TRIM2: variants seen among roughly 807,000 people sequenced by gnomAD.
The protein encoded by TRIM2 is tripartite motif containing 2, also known as tripartite motif-containing protein 2.
In TRIM2, 20 loss-of-function variants were observed where a neutral mutation model predicts 75.2. The observed-to-expected ratio is 0.27, with a 90% CI of 0.19 to 0.39. The LOEUF (loss-of-function observed/expected upper bound fraction) is 0.39. Ranked by LOEUF, TRIM2 falls within the 10% of genes least tolerant of loss-of-function variation. TRIM2 has a pLI of 1.00. For synonymous variants in TRIM2, 373 were observed against 388.3 expected (o/e 0.96, Z 0.46); for missense variants, 660 against 990.8 (o/e 0.67, Z 4.48).
intron 6 of TRIM2, among the ~76,000 whole-genome samples, chr4:153,314,407 G>A (rs915033363): frequency 8.2e-6 from 1 of 121,848 alleles, no homozygotes; most frequent in Non-Finnish European, 1.6e-5. Flanking sequence ...GCGACAGAGC[G>A]AGACTCCGTC....
rs746781998 is a variant in TRIM2 at position 153,324,166 on chromosome 4, G to A, written c.2022+18G>A. On this transcript the variant is annotated intron_variant, in intron 10 of 11. Transcript: ENST00000338700. The stretch of plus-strand genomic sequence containing the variant: ...CTGTCAAGGTACTACAAGCACATGA[G>A]TTGTTGTTAACTTTTAACTGCTTTT... 21 of 1,601,816 alleles carry A rather than the reference G, an allele frequency of 1.3e-5. No individual in the cohort carries two copies. The African/African-American group carries it at 2.4e-4, about 18-fold the overall frequency.
intron 6 of TRIM2, among the ~76,000 whole-genome samples, chr4:153,302,634 T>C (rs1045577742): frequency 2.0e-5 from 3 of 152,212 alleles, no homozygotes; most frequent in Non-Finnish European, 4.4e-5. Flanking sequence ...ACACATCCCA[T>C]ATAGTGTGAA....
At chr4:153,243,489 C>T (rs1381750048) in intron 1 of TRIM2, among the ~76,000 whole-genome samples, 4 of 152,206 alleles carry the variant, frequency 2.6e-5, no homozygotes, top group African/African-American at 9.7e-5. Context: ...CCCAGATCCT[C>T]ACTTTTTGCT....
At chr4:153,224,151 C>A (rs1469081171) in intron 1 of TRIM2, among the ~76,000 whole-genome samples, 1 of 152,140 alleles carries the variant, frequency 6.6e-6, no homozygotes, top group Non-Finnish European at 1.5e-5. Context: ...CCCTTCAGCT[C>A]CAAGAAACAA....
At chr4:153,229,327 G>C (rs1044927510) in intron 1 of TRIM2, among the ~76,000 whole-genome samples, 13 of 152,262 alleles carry the variant, frequency 8.5e-5, no homozygotes, top group Middle Eastern at 3.4e-3. Context: ...GCAGTGGTGC[G>C]ATCTCTGCTC....
chr4:153,247,076 C>A (rs1379220428), intron 1 of TRIM2, among the ~76,000 whole-genome samples: 1 of 152,186 alleles, frequency 6.6e-6, no homozygotes, highest in African/African-American at 2.4e-5. Context: ...GGAATCATTT[C>A]TCTTCTGATC....
intron 1 of TRIM2, among the ~76,000 whole-genome samples, chr4:153,167,043 A>G (rs572207778): frequency 1.3e-5 from 2 of 152,330 alleles, no homozygotes; most frequent in African/African-American, 4.8e-5. Flanking sequence ...TCTCAAGAGT[A>G]TGGACCCTAC....
intron 1 of TRIM2, among the ~76,000 whole-genome samples, chr4:153,251,896 G>T (rs1750961930): frequency 6.6e-6 from 1 of 151,308 alleles, no homozygotes; most frequent in East Asian, 1.9e-4. Flanking sequence ...TGGGAGGATT[G>T]CTTGAGCCCA....
upstream of TRIM2, among the ~76,000 whole-genome samples, chr4:153,203,062 G>A (rs1734579369): frequency 1.4e-5 from 2 of 140,636 alleles, no homozygotes; most frequent in Non-Finnish European, 3.0e-5. Flanking sequence ...CCAAGATTGT[G>A]CCACTGCACT....
At chr4:153,272,417 G>A (rs974738300) in intron 2 of TRIM2, among the ~76,000 whole-genome samples, 1 of 151,796 alleles carries the variant, frequency 6.6e-6, no homozygotes, top group African/African-American at 2.4e-5. Flanking sequence ...CAAAGTGCTG[G>A]GATTACAGGC....
intron 1 of TRIM2, chr4:153,257,802 C>T: frequency 5.5e-6 from 2 of 361,934 alleles, no homozygotes; most frequent in Non-Finnish European, 1.1e-5. Flanking sequence ...TAGTATTGTG[C>T]CAGGTGGATA....
intron 3 of TRIM2, among the ~76,000 whole-genome samples, chr4:153,290,398 C>T (rs2150123711): frequency 6.6e-6 from 1 of 152,300 alleles, no homozygotes; most frequent in East Asian, 1.9e-4. Flanking sequence ...TACACAAATG[C>T]AACCCAAAGT....
intron 1 of TRIM2, among the ~76,000 whole-genome samples, chr4:153,153,708 C>A (rs1158587567): frequency 6.6e-6 from 1 of 152,208 alleles, no homozygotes; most frequent in Non-Finnish European, 1.5e-5. Flanking sequence ...TGCGCAGTGG[C>A]GGCTGCGGCC....
chr4:153,224,968 G>C (rs993673415), intron 1 of TRIM2, among the ~76,000 whole-genome samples: 1 of 152,162 alleles, frequency 6.6e-6, no homozygotes, highest in African/African-American at 2.4e-5. Context: ...AAAGAGGTTG[G>C]ATAGTTATTT....
upstream of TRIM2, among the ~76,000 whole-genome samples, chr4:153,203,049 G>A (rs1487467227): frequency 6.8e-6 from 1 of 146,816 alleles, no homozygotes; most frequent in African/African-American, 2.5e-5. Flanking sequence ...AGGTTGCAGT[G>A]AGCCAAGATT....
At chr4:153,299,044 A>G (rs560364471) in intron 6 of TRIM2, among the ~76,000 whole-genome samples, 33 of 152,244 alleles carry the variant, frequency 2.2e-4, no homozygotes, top group African/African-American at 7.2e-4. Flanking sequence ...TAGCCATAAT[A>G]TATTAACTAT....
chr4:153,194,428 A>T (rs1286860583), intron 1 of TRIM2, among the ~76,000 whole-genome samples: 1 of 152,210 alleles, frequency 6.6e-6, no homozygotes, highest in Non-Finnish European at 1.5e-5. Context: ...GGTTGATGCA[A>T]CAACATGGAT....
chr4:153,169,542 C>T (rs1349345408), intron 1 of TRIM2, among the ~76,000 whole-genome samples: 3 of 151,850 alleles, frequency 2.0e-5, no homozygotes, highest in Non-Finnish European at 2.9e-5. Flanking sequence ...TTTTTTTGAC[C>T]TATCATTTTT....
chr4:153,297,425 A>G (rs968984006), intron 6 of TRIM2, among the ~76,000 whole-genome samples: 1 of 152,188 alleles, frequency 6.6e-6, no homozygotes, highest in Non-Finnish European at 1.5e-5. Context: ...TTCTATGTCC[A>G]TGAAATGAAA....
Sources: allele counts gnomAD v4.1 joint callset (sites outside exome capture counted in the v4.1 genomes callset), GRCh38; gene constraint gnomAD v4.1.1; transcripts MANE v1.5; gene names NCBI Gene and HGNC (gene_info 2026-07-23, HGNC 2026-07-21).